The following LRFN4 variants were observed in gnomAD, a reference collection of about 807,000 sequenced individuals.
The protein encoded by LRFN4 is leucine rich repeat and fibronectin type III domain containing 4.
LRFN4 carries 10 observed loss-of-function variants against 29.0 expected under a neutral mutation model. The observed-to-expected ratio is 0.35, with a 90% CI of 0.21 to 0.59. The LOEUF is 0.59. Among genes scored for constraint, LRFN4 ranks in the 20% least tolerant of loss-of-function variants. LRFN4 has a pLI of 0.82. For missense variants in LRFN4, 850 were observed against 907.9 expected (o/e 0.94, Z 0.82); for synonymous variants, 493 against 437.0 (o/e 1.13, Z -1.60).
At position 66,857,968 on chromosome 11, in the gene LRFN4, T is replaced by C; in HGVS notation, c.224T>C (p.Val75Ala). The change falls in exon 1 of 2, where the codon GTG becomes GCG. Residue 75 changes from valine (V) to alanine (A), a missense_variant. Val to Ala is a moderately conservative substitution (Grantham distance 64). Transcript: ENST00000309602. The surrounding 1 kb of genome is among the most constrained non-coding windows in gnomAD (Gnocchi z 7.1). ...PPDFRNMTGL[V>A]DLTLSRNAIT... ...GACTTCCGCAACATGACGGGACTGG[T>C]GGACCTGACACTGTCTCGCAATGCC... The C allele has an allele frequency of 3.1e-6, 5 of 1,612,458 alleles. No individual in the cohort carries two copies. Among genetic ancestry groups the C allele is most frequent in the Non-Finnish European group, 4.2e-6 (5 of 1,179,916 alleles).
rs184005634 is a variant in LRFN4 at position 66,859,451 on chromosome 11, G to A, written c.1350-186G>A. The stretch of plus-strand genomic sequence containing the variant: ...CACCCCATTCCCCTCGCTTGCCTGC[G>A]TCCTGTGCCAGTGCACACACCCATC... On this transcript the variant is annotated intron_variant, in intron 1 of 1. Coordinates refer to ENST00000309602, the MANE Select transcript of LRFN4 (RefSeq NM_024036.5). 1.1e-3 allele frequency among the ~76,000 whole-genome samples: 168 copies of A among 152,292 alleles called. 2 individuals carry two copies. The highest frequency in any genetic ancestry group is 3.7e-4 in the Non-Finnish European group (25 of 68,024).
At position 66,857,388 on chromosome 11, in the gene LRFN4, A is replaced by T. The variant is rs1027030392; in HGVS notation, c.-357A>T. 3.8e-5 allele frequency: 8 copies of T among 213,310 alleles called. No homozygotes were observed. The highest frequency in any genetic ancestry group is 5.6e-5 in the Admixed American group (1 of 17,942). 13.2% of individuals were successfully genotyped at this position (213,310 alleles called of 1,614,324 possible). On this transcript the variant is annotated 5_prime_UTR_variant, in exon 1 of 2. Coordinates refer to ENST00000309602, the MANE Select transcript of LRFN4 (RefSeq NM_024036.5). The surrounding 1 kb of genome is among the most constrained non-coding windows in gnomAD (Gnocchi z 7.1). ...CGGGGGGCGCCTTCTCTGGCGGGGGAGGGTATGGCGGGGAGTGGGGAGGCG... is the reference window on the plus strand; with the variant it reads ...CGGGGGGCGCCTTCTCTGGCGGGGGTGGGTATGGCGGGGAGTGGGGAGGCG...
Position 66,858,944 on chromosome 11 carries a change from G to A in LRFN4, c.1200G>A (p.Glu400=), listed in dbSNP as rs375098656. 9 of 1,577,520 alleles carry A rather than the reference G, an allele frequency of 5.7e-6. No homozygotes were observed. Among genetic ancestry groups the A allele is most frequent in the Non-Finnish European group, 7.8e-6 (9 of 1,158,490 alleles). The change falls in exon 1 of 2, where the codon GAG becomes GAA. Residue 400 remains glutamate (E), a synonymous_variant. Coordinates refer to ENST00000309602, the MANE Select transcript of LRFN4 (RefSeq NM_024036.5). This position sits in a 1 kb window ranked among gnomAD's most constrained non-coding sequence, Gnocchi z 5.9. ...CCGCTCGCACTGCTGCCGAGGGTGA[G>A]GGGACGCTGGAGTCTGAGCCAGCCG... ...AASARTAAEG[E]GTLESEPAVQ...
At position 66,858,664 on chromosome 11, in the gene LRFN4, A is replaced by G; in HGVS notation, c.920A>G (p.Asp307Gly). The stretch of plus-strand genomic sequence containing the variant: ...ACGCTGCGGTGCCGGGCCCTGGGTG[A>G]CCCCGCGCCTACCATGCACTGGGTC... ...RATLRCRALGDPAPTMHWVGP... is the reference protein window; with the variant it reads ...RATLRCRALGGPAPTMHWVGP... The change falls in exon 1 of 2, where the codon GAC (aspartate) becomes GGC (glycine). Residue 307 changes from aspartate (D) to glycine (G), a missense_variant. This residue lies in a region of LRFN4 where 744 missense variants were observed against 753.8 expected (regional missense o/e 0.99). Transcript: ENST00000309602. The surrounding 1 kb of genome is among the most constrained non-coding windows in gnomAD (Gnocchi z 5.9). The G allele has an allele frequency of 6.5e-7, 1 of 1,543,096 alleles. No individual in the cohort carries two copies.
rs1194706018 is a variant in LRFN4, at chr11:66,857,179, G to C, written c.-566G>C. The C allele has an allele frequency of 4.7e-5, 7 of 149,296 alleles. No individual in the cohort carries two copies. Among genetic ancestry groups the C allele is most frequent in the Non-Finnish European group, 1.5e-5 (1 of 66,876 alleles). The allele number at this position is 149,296 out of a possible 1,614,324, so 9.2% of individuals were successfully genotyped here. A position where few individuals can be genotyped will look rare whatever the true frequency, so the allele number is the denominator to read the frequency against. ...CCGAGCGCCATGGGCCCGAGGGTGG[G>C]CGGCGGGCGGCCGGTCATCCCCGGG... On this transcript the variant is annotated 5_prime_UTR_variant, in exon 1 of 2. Transcript: ENST00000309602. This position sits in a 1 kb window ranked among gnomAD's most constrained non-coding sequence, Gnocchi z 7.1.
Position 66,859,679 on chromosome 11 carries a change from C to T in LRFN4, c.1392C>T (p.Leu464=), listed in dbSNP as rs371094687. 9.3e-6 allele frequency: 15 copies of T among 1,612,978 alleles called. No homozygotes were observed. The highest frequency in any genetic ancestry group is 1.7e-4 in the Middle Eastern group (1 of 6,060). The change falls in exon 2 of 2, where the codon CTC becomes CTT. Residue 464 remains leucine (L), a synonymous_variant. Transcript: ENST00000309602. ...GCCACCACTTCCTGCTGAAGCACCTCGTCCCCGGCGCTGACTATGACCTCT... is the reference window on the plus strand; with the variant it reads ...GCCACCACTTCCTGCTGAAGCACCTTGTCCCCGGCGCTGACTATGACCTCT... ...ASSHHFLLKH[L]VPGADYDLCL... is the part of the protein sequence containing the mutation.
intron 1 of LRFN4, 135 bp from the exon 2 acceptor site, chr11:66,859,502 C>A (rs1321198296): frequency 1.0e-5 from 15 of 1,500,776 alleles, no homozygotes; most frequent in South Asian, 1.3e-5. Context: ...CCAGCCTGTT[C>A]ACCTTCCTGA....
rs771319668 is a variant in LRFN4 at position 66,859,753 on chromosome 11, C to G, written c.1466C>G (p.Thr489Ser). 6.2e-7 allele frequency: 1 copy of G among 1,608,926 alleles called. No individual in the cohort carries two copies. The highest frequency in any genetic ancestry group is 1.7e-5 in the Admixed American group (1 of 59,524). The change falls in exon 2 of 2, where the codon ACC becomes AGC. Residue 489 changes from threonine to serine, a missense_variant. Thr to Ser is a moderately conservative substitution (Grantham distance 58, BLOSUM62 1). Transcript: ENST00000309602. ...PAAGPSDLTA[T>S]RLLGCAHFST... The stretch of plus-strand genomic sequence containing the variant: ...GCTGGGCCCTCTGACCTCACGGCCA[C>G]CAGGCTGCTGGGCTGTGCCCATTTC...
chr11:66,860,404 C>T lies in LRFN4; in HGVS notation c.*209C>T. On this transcript the variant is annotated 3_prime_UTR_variant, in exon 2 of 2. Coordinates refer to ENST00000309602, the MANE Select transcript of LRFN4 (RefSeq NM_024036.5). ...CCCCTCCAACAGGTGCTCACAGCCA[C>T]CGAGGCAGGGGCTGCAGCCACCCAC... 1.3e-6 allele frequency: 1 copy of T among 749,108 alleles called. No homozygotes were observed. Among genetic ancestry groups the T allele is most frequent in the South Asian group, 1.5e-5 (1 of 68,468 alleles). The allele number at this position is 749,108 out of a possible 1,614,324, so 46.4% of individuals were successfully genotyped here.
In LRFN4 at chr11:66,859,654, G is replaced by T. The variant is rs1221256616; in HGVS notation, c.1367G>T (p.Ser456Ile). The change falls in exon 2 of 2, where the codon AGC (serine) becomes ATC (isoleucine). Residue 456 changes from serine to isoleucine, a missense_variant. Physicochemically the swap from Ser to Ile is moderately radical, Grantham distance 142 (BLOSUM62 -2). Coordinates refer to ENST00000309602, the MANE Select transcript of LRFN4 (RefSeq NM_024036.5). ...GCCTGCAGGATTGTCCCAGCCTCCA[G>T]CCACCACTTCCTGCTGAAGCACCTC... is the stretch of plus-strand genomic sequence containing the variant. ...TLIYRIVPAS[S>I]HHFLLKHLVP... 1 of 1,612,874 alleles carries T rather than the reference G, an allele frequency of 6.2e-7. No individual in the cohort carries two copies. Among genetic ancestry groups the T allele is most frequent in the African/African-American group, 1.3e-5 (1 of 74,930 alleles).
chr11:66,857,734 G>A lies in LRFN4; in HGVS notation c.-11G>A. ...GCCTGGGCTGTGGCCCCTTCCTACA[G>A]GGCGCTCACCATGGCCCCGCCGCTC... On this transcript the variant is annotated 5_prime_UTR_variant, in exon 1 of 2. Transcript: ENST00000309602. This position sits in a 1 kb window ranked among gnomAD's most constrained non-coding sequence, Gnocchi z 7.1. The A allele has an allele frequency of 2.5e-6, 4 of 1,584,808 alleles. No individual in the cohort carries two copies. Among genetic ancestry groups the A allele is most frequent in the Non-Finnish European group, 3.4e-6 (4 of 1,171,752 alleles).
At chr11:66,859,197 A>T in intron 1 of LRFN4, 104 bp downstream of exon 1, 1 of 1,327,810 alleles carries the variant, frequency 7.5e-7, no homozygotes. Context: ...TGGGGCTGAC[A>T]CCCCCTCCCC....
Position 66,858,133 on chromosome 11 carries a change from A to G in LRFN4, c.389A>G (p.Asn130Ser). ...VNLQHLILSG[N>S]QLGRIAPGAF... ...CTGCAGCACCTCATCCTCAGCGGCA[A>G]CCAGCTGGGCCGCATCGCGCCGGGA... is the stretch of plus-strand genomic sequence containing the variant. The change falls in exon 1 of 2, where the codon AAC becomes AGC. Residue 130 changes from asparagine to serine, a missense_variant. Asn to Ser is a conservative substitution (Grantham distance 46). This residue lies in a region of LRFN4 where 744 missense variants were observed against 753.8 expected (regional missense o/e 0.99). Coordinates refer to ENST00000309602, the MANE Select transcript of LRFN4 (RefSeq NM_024036.5). This position sits in a 1 kb window ranked among gnomAD's most constrained non-coding sequence, Gnocchi z 5.9. The G allele has an allele frequency of 6.2e-7, 1 of 1,610,626 alleles. No individual in the cohort carries two copies. The highest frequency in any genetic ancestry group is 8.5e-7 in the Non-Finnish European group (1 of 1,178,806).
Position 66,859,723 on chromosome 11 carries a change from C to T in LRFN4, c.1436C>T (p.Pro479Leu), listed in dbSNP as rs540304157. The T allele has an allele frequency of 6.8e-5, 109 of 1,611,266 alleles. No individual in the cohort carries two copies. The highest frequency in any genetic ancestry group is 8.4e-5 in the Non-Finnish European group (99 of 1,179,236). The change falls in exon 2 of 2, where the codon CCG becomes CTG. Residue 479 changes from proline (P) to leucine (L), a missense_variant. Coordinates refer to ENST00000309602, the MANE Select transcript of LRFN4 (RefSeq NM_024036.5). ...DYDLCLLALS[P>L]AAGPSDLTAT... ...GACCTCTGCCTGCTGGCCTTGTCAC[C>T]GGCCGCTGGGCCCTCTGACCTCACG...
Position 66,860,000 on chromosome 11 carries a change from C to T in LRFN4, c.1713C>T (p.His571=), listed in dbSNP as rs1946146360. 6.3e-7 allele frequency: 1 copy of T among 1,594,192 alleles called. No homozygotes were observed. ...GCCCCAGCCCCACACCCAAGGCCCA[C>T]CCGCCGCGGAGCCCCCCGCCCCGGC... The part of the protein sequence containing the change: ...NGGPSPTPKA[H]PPRSPPPRPQ... The change falls in exon 2 of 2, where the codon CAC becomes CAT. Residue 571 remains histidine (H), a synonymous_variant. Transcript: ENST00000309602.
rs745308844 is a variant in LRFN4 at position 66,857,710 on chromosome 11, C to T, written c.-35C>T. 1.6e-5 allele frequency: 25 copies of T among 1,564,218 alleles called. No individual in the cohort carries two copies. In the African/African-American group the frequency reaches 3.2e-4, roughly 20 times the overall value. On this transcript the variant is annotated 5_prime_UTR_variant, in exon 1 of 2. Transcript: ENST00000309602. The surrounding 1 kb of genome is among the most constrained non-coding windows in gnomAD (Gnocchi z 7.1). ...GGCACCTGCGCCAGCCCCACCTGTG[C>T]CTGGGCTGTGGCCCCTTCCTACAGG...
chr11:66,858,311 C>G lies in LRFN4; in HGVS notation c.567C>G (p.Phe189Leu). 1 of 1,609,664 alleles carries G rather than the reference C, an allele frequency of 6.2e-7. No individual in the cohort carries two copies. ...TTGACGCACTGCCCCCAGGCGCCTT[C>G]GCCCAGCTCGGTCAGCTCTCCCGCC... Reference protein sequence around the residue: ...NLIDALPPGAFAQLGQLSRLD... With the variant: ...NLIDALPPGALAQLGQLSRLD... The change falls in exon 1 of 2, where the codon TTC (phenylalanine) becomes TTG (leucine). Residue 189 changes from phenylalanine (F) to leucine (L), a missense_variant. Physicochemically the swap from Phe to Leu is conservative, Grantham distance 22 (BLOSUM62 0). Coordinates refer to ENST00000309602, the MANE Select transcript of LRFN4 (RefSeq NM_024036.5). The surrounding 1 kb of genome is among the most constrained non-coding windows in gnomAD (Gnocchi z 5.9).
At position 66,858,428 on chromosome 11, in the gene LRFN4, G is replaced by A. The variant is rs921863705; in HGVS notation, c.684G>A (p.Val228=). ...RDAEASPAPL[V]LSFSGNPLHC... is the part of the protein sequence containing the mutation. ...CAGAGGCCTCTCCCGCCCCCCTGGT[G>A]CTGAGCTTTAGCGGGAACCCCCTGC... Residue 228 remains valine (V), a synonymous_variant, in exon 1 of 2, where the codon GTG becomes GTA. Coordinates refer to ENST00000309602, the MANE Select transcript of LRFN4 (RefSeq NM_024036.5). The surrounding 1 kb of genome is among the most constrained non-coding windows in gnomAD (Gnocchi z 5.9). 9.6e-6 allele frequency: 15 copies of A among 1,554,578 alleles called. No homozygotes were observed. Among genetic ancestry groups the A allele is most frequent in the Non-Finnish European group, 1.3e-5 (15 of 1,156,278 alleles).
In LRFN4 at chr11:66,858,700, A is replaced by C; in HGVS notation, c.956A>C (p.Asp319Ala). 1 of 1,550,406 alleles carries C rather than the reference A, an allele frequency of 6.4e-7. No homozygotes were observed. The highest frequency in any genetic ancestry group is 8.7e-7 in the Non-Finnish European group (1 of 1,145,736). ...ACCATGCACTGGGTCGGTCCTGACG[A>C]CCGGTTGGTTGGCAACTCCTCCCGA... Reference protein sequence around the residue: ...APTMHWVGPDDRLVGNSSRAR... With the variant: ...APTMHWVGPDARLVGNSSRAR... Residue 319 changes from aspartate to alanine, a missense_variant, in exon 1 of 2, where the codon GAC becomes GCC. Physicochemically the swap from Asp to Ala is moderately radical, Grantham distance 126. This residue lies in a region of LRFN4 where 744 missense variants were observed against 753.8 expected (regional missense o/e 0.99). Transcript: ENST00000309602. The surrounding 1 kb of genome is among the most constrained non-coding windows in gnomAD (Gnocchi z 5.9).
Sources: gnomAD v4.1 joint callset for allele counts (sites outside exome capture counted in the v4.1 genomes callset) on GRCh38, gnomAD v4.1.1 for gene constraint, gnomAD v4.1.1 regional missense constraint, Gnocchi (gnomAD v3.1) non-coding constraint, MANE v1.5 for transcripts, NCBI Gene and HGNC (gene_info 2026-07-23, HGNC 2026-07-21) for gene names.